ZSCAN12: variants seen among roughly 807,000 people sequenced by gnomAD.
ZSCAN12 encodes the protein zinc finger and SCAN domain-containing protein 12.
A neutral mutation model predicts 23.4 loss-of-function variants in ZSCAN12; 18 were observed. The ratio of observed to expected loss-of-function variants is 0.77; its 90% confidence interval spans 0.53 to 1.14. ZSCAN12 has a LOEUF of 1.14. Ranked by LOEUF, ZSCAN12 falls within the 50% of genes most tolerant of loss-of-function variation. The pLI, the probability that ZSCAN12 is intolerant of heterozygous loss-of-function variation, is 0.00. For missense variants in ZSCAN12, 650 were observed against 735.0 expected (o/e 0.88, Z 1.34); for synonymous variants, 186 against 253.4 (o/e 0.73, Z 2.53).
At position 28,398,365 on chromosome 6, in the gene ZSCAN12, T is replaced by A; in HGVS notation, c.41A>T (p.Asp14Val). The change falls in exon 2 of 4, where the codon GAT becomes GTT. Residue 14 changes from aspartate to valine, a missense_variant. By Grantham distance (152) the Asp-to-Val change is radical (BLOSUM62 -3). Coordinates refer to ENST00000684592, the MANE Select transcript of ZSCAN12 (RefSeq NM_001163391.2). Reference sequence around the variant, plus strand: ...CTCTATCTTTACTTCCAAAGGTTCATCCTGGTCCATGTGGGCCTGGATAGC... The same window carrying A: ...CTCTATCTTTACTTCCAAAGGTTCAACCTGGTCCATGTGGGCCTGGATAGC... ...TWAIQAHMDQ[D>V]EPLEVKIEEE... The A allele has an allele frequency of 6.4e-7, 1 of 1,551,754 alleles. No homozygotes were observed. The highest frequency in any genetic ancestry group is 8.7e-7 in the Non-Finnish European group (1 of 1,146,980).
downstream of ZSCAN12, chr6:28,382,572 G>A (rs1000448916): frequency 6.4e-7 from 1 of 1,551,606 alleles, no homozygotes; most frequent in Admixed American, 2.0e-5. Context: ...GGTTCAGAGT[G>A]ATTTTTCAGA....
chr6:28,395,346 T>G (rs1761052379), intron 2 of ZSCAN12, among the ~76,000 whole-genome samples: 2 of 152,288 alleles, frequency 1.3e-5, no homozygotes, highest in South Asian at 4.1e-4. Flanking sequence ...ACCAAATACT[T>G]CGGCATAATC....
At position 28,386,990 on chromosome 6, in the gene ZSCAN12, GTTAATT is replaced by G. The variant is rs1046541271; in HGVS notation, c.*3458_*3463del. 6.6e-6 allele frequency among the ~76,000 whole-genome samples: 1 copy of G among 152,052 alleles called. No homozygotes were observed. Among genetic ancestry groups the G allele is most frequent in the Non-Finnish European group, 1.5e-5 (1 of 68,026 alleles). ...TTACAGGCATGTGCCACCACGCCTG[GTTAATT>G]TTTGTATTTTTAGTGGAGATGGGGT... On this transcript the variant is annotated 3_prime_UTR_variant, in exon 4 of 4. Transcript: ENST00000684592.
Position 28,390,232 on chromosome 6 carries a change from T to A in ZSCAN12, c.*222A>T, listed in dbSNP as rs13213986. 0.05 allele frequency among the ~76,000 whole-genome samples: 7,666 copies of A among 152,282 alleles called. 316 individuals carry two copies. Among genetic ancestry groups the A allele is most frequent in the Non-Finnish European group, 0.088 (5,960 of 68,010 alleles). On this transcript the variant is annotated 3_prime_UTR_variant, in exon 4 of 4. Coordinates refer to ENST00000684592, the MANE Select transcript of ZSCAN12 (RefSeq NM_001163391.2). ...TCTTATATGACTAAATATGTGGATC[T>A]TATCTATCCCAAACTAGGCTACAAA...
downstream of ZSCAN12, chr6:28,380,177 T>G (rs930805498): frequency 6.6e-6 from 1 of 152,246 alleles, no homozygotes; most frequent in Non-Finnish European, 1.5e-5. Context: ...TTCAATACTG[T>G]GGAGGCTCCC....
At chr6:28,395,698 A>G (rs1239572662) in intron 2 of ZSCAN12, among the ~76,000 whole-genome samples, 1 of 152,242 alleles carries the variant, frequency 6.6e-6, no homozygotes, top group Non-Finnish European at 1.5e-5. Flanking sequence ...CGAAATTCTT[A>G]TAATGGCCTA....
In ZSCAN12 at chr6:28,398,547, T is replaced by A. The variant is rs895837257; in HGVS notation, c.-68-74A>T. 8.6e-6 allele frequency: 7 copies of A among 811,982 alleles called. No individual in the cohort carries two copies. The African/African-American group carries it at 1.2e-4, about 14-fold the overall frequency. The allele number at this position is 811,982 out of a possible 1,614,324, so 50.3% of individuals were successfully genotyped here. ...ACTGCAAATTCTGAGAACTTAACTA[T>A]GACCTTTGAAATCTGACCTCCGGAT... On this transcript the variant is annotated intron_variant, in intron 1 of 3. Coordinates refer to ENST00000684592, the MANE Select transcript of ZSCAN12 (RefSeq NM_001163391.2).
intron 2 of ZSCAN12, among the ~76,000 whole-genome samples, chr6:28,397,011 G>T (rs1761142837): frequency 6.6e-6 from 1 of 152,054 alleles, no homozygotes; most frequent in African/African-American, 2.4e-5. Context: ...ATTTCCCTAA[G>T]TTTCAAACTC....
rs1760458396 is a variant in ZSCAN12, at chr6:28,384,748, A to T, written c.*5706T>A. Among the ~76,000 whole-genome samples, 1 of 152,220 alleles carries T rather than the reference A, an allele frequency of 6.6e-6. No homozygotes were observed. Among genetic ancestry groups the T allele is most frequent in the African/African-American group, 2.4e-5 (1 of 41,468 alleles). On this transcript the variant is annotated 3_prime_UTR_variant, in exon 4 of 4. Transcript: ENST00000684592. ...AAAAATATTCATACATACTTTTTAC[A>T]CATTTATATATATATGTAGAAATAC...
Position 28,388,407 on chromosome 6 carries a change from T to A in ZSCAN12, c.*2047A>T, listed in dbSNP as rs769905166. On this transcript the variant is annotated 3_prime_UTR_variant, in exon 4 of 4. Coordinates refer to ENST00000684592, the MANE Select transcript of ZSCAN12 (RefSeq NM_001163391.2). ...CTGAATTATAATACTTATACCATTATGACTTCTATGGGAATATGTGTTCAT... is the reference window on the plus strand; with the variant it reads ...CTGAATTATAATACTTATACCATTAAGACTTCTATGGGAATATGTGTTCAT... Among the ~76,000 whole-genome samples, 2 of 152,222 alleles carry A rather than the reference T, an allele frequency of 1.3e-5. No individual in the cohort carries two copies. The highest frequency in any genetic ancestry group is 1.3e-4 in the Admixed American group (2 of 15,286).
exon 5 of ZSCAN12, chr6:28,379,046 A>T (rs1020983938): frequency 6.6e-6 from 1 of 152,168 alleles, no homozygotes; most frequent in Non-Finnish European, 1.5e-5. Context: ...TGAGATAATC[A>T]CTAAAAAGTT....
chr6:28,394,926 T>G (rs527447131), intron 2 of ZSCAN12, among the ~76,000 whole-genome samples: 1 of 151,940 alleles, frequency 6.6e-6, no homozygotes, highest in South Asian at 2.1e-4. Flanking sequence ...AATTAACATG[T>G]CCAAACCCTG....
chr6:28,392,271 A>C lies in ZSCAN12; in HGVS notation c.548-529T>G, dbSNP rs112508587. 2.0e-3 allele frequency among the ~76,000 whole-genome samples: 296 copies of C among 150,188 alleles called. 1 individual carries two copies. Among genetic ancestry groups the C allele is most frequent in the Non-Finnish European group, 3.7e-3 (249 of 67,704 alleles). ...CAGCTCACTGCAACCTCCGCCTCCT[A>C]GGTTCAAGCGATTCTCCTGCCTCAG... On this transcript the variant is annotated intron_variant, in intron 3 of 3. Transcript: ENST00000684592.
At position 28,387,221 on chromosome 6, in the gene ZSCAN12, G is replaced by A. The variant is rs550050082; in HGVS notation, c.*3233C>T. ...TGTTTATGGTCCCTTTATAATATTA[G>A]GTATATAAGAAAGATTAAGTAGTGT... On this transcript the variant is annotated 3_prime_UTR_variant, in exon 4 of 4. Transcript: ENST00000684592. 6.6e-6 allele frequency among the ~76,000 whole-genome samples: 1 copy of A among 152,000 alleles called. No individual in the cohort carries two copies. The highest frequency in any genetic ancestry group is 2.4e-5 in the African/African-American group (1 of 41,360).
At position 28,388,282 on chromosome 6, in the gene ZSCAN12, C is replaced by T. The variant is rs1267196885; in HGVS notation, c.*2172G>A. 6.6e-6 allele frequency among the ~76,000 whole-genome samples: 1 copy of T among 152,178 alleles called. No homozygotes were observed. Among genetic ancestry groups the T allele is most frequent in the African/African-American group, 2.4e-5 (1 of 41,426 alleles). On this transcript the variant is annotated 3_prime_UTR_variant, in exon 4 of 4. Coordinates refer to ENST00000684592, the MANE Select transcript of ZSCAN12 (RefSeq NM_001163391.2). ...AACTTATGAGTAAGTTGTTTTTCAA[C>T]TGTTCATTTGCCTTTCTCTCTTGTG...
intron 2 of ZSCAN12, among the ~76,000 whole-genome samples, chr6:28,395,293 T>C (rs1425603941): frequency 1.3e-5 from 2 of 152,132 alleles, no homozygotes; most frequent in Non-Finnish European, 2.9e-5. Context: ...TCCCAGTCTT[T>C]ACCATCTCTA....
chr6:28,385,580 G>A lies in ZSCAN12; in HGVS notation c.*4874C>T, dbSNP rs1033681817. ...AGTGTATCACAGAGGTTAAAAGTGTGAACTCTGGAACTGGGCTGCTTGGGT... is the reference window on the plus strand; with the variant it reads ...AGTGTATCACAGAGGTTAAAAGTGTAAACTCTGGAACTGGGCTGCTTGGGT... On this transcript the variant is annotated 3_prime_UTR_variant, in exon 4 of 4. Transcript: ENST00000684592. 6.6e-6 allele frequency among the ~76,000 whole-genome samples: 1 copy of A among 152,204 alleles called. No homozygotes were observed. The highest frequency in any genetic ancestry group is 1.5e-5 in the Non-Finnish European group (1 of 68,042).
downstream of ZSCAN12, chr6:28,382,728 A>C (rs1319103697): frequency 1.4e-6 from 2 of 1,418,228 alleles, no homozygotes; most frequent in Admixed American, 2.9e-5. Context: ...AAGGTAAATA[A>C]ATTAGGAAAG....
At chr6:28,394,781 G>T (rs57071502) in intron 2 of ZSCAN12, among the ~76,000 whole-genome samples, 1 of 151,634 alleles carries the variant, frequency 6.6e-6, no homozygotes, top group Non-Finnish European at 1.5e-5. Flanking sequence ...ATCCTATCTC[G>T]TGGCTTTAAA....
Sources: gnomAD v4.1 joint callset for allele counts (sites outside exome capture counted in the v4.1 genomes callset) on GRCh38, gnomAD v4.1.1 for gene constraint, MANE v1.5 for transcripts, NCBI Gene and HGNC (gene_info 2026-07-23, HGNC 2026-07-21) for gene names.